Variants in RGS13 observed in about 807,000 individuals in gnomAD.
RGS13 encodes regulator of G-protein signalling 13.
RGS13 carries 14 observed loss-of-function variants against 19.9 expected under a neutral mutation model. The observed-to-expected ratio is 0.70, with a 90% confidence interval of 0.46 to 1.10. RGS13 has a LOEUF of 1.10. RGS13 is among the 50% of genes least tolerant of loss of function. The pLI, the probability that RGS13 is intolerant of heterozygous loss-of-function variation, is 0.00. For missense variants in RGS13, 205 were observed against 187.1 expected (o/e 1.10, Z -0.56); for synonymous variants, 60 against 56.8 (o/e 1.06, Z -0.25).
chr1:192,652,561 A>G (rs1663361435), intron 5 of RGS13, among the ~76,000 whole-genome samples: 1 of 152,044 alleles, frequency 6.6e-6, no homozygotes, highest in African/African-American at 2.4e-5. Context: ...AAAGGGGGAA[A>G]AAAACCTCGC....
chr1:192,636,885 A>C (rs1397476919), intron 1 of RGS13, among the ~76,000 whole-genome samples: 2 of 152,014 alleles, frequency 1.3e-5, no homozygotes, highest in African/African-American at 4.8e-5. Context: ...TGTGGTCAAC[A>C]AAAGCTCACT....
At chr1:192,658,054 G>A in intron 5 of RGS13, 147 bp from the exon 6 acceptor site, 1 of 609,346 alleles carries the variant, frequency 1.6e-6, no homozygotes, top group Admixed American at 3.0e-5. Context: ...TGATAGACAT[G>A]AAAATTGATA....
chr1:192,638,885 T>C (rs1663057851), intron 3 of RGS13, among the ~76,000 whole-genome samples: 1 of 152,174 alleles, frequency 6.6e-6, no homozygotes, highest in African/African-American at 2.4e-5. Flanking sequence ...CTTAGAATGC[T>C]AACCAACATA....
In RGS13 at chr1:192,658,325, G is replaced by A. The variant is rs1269850531; in HGVS notation, c.252G>A (p.Lys84=). The part of the protein sequence containing the change: ...ASRWSRISRA[K]KLYKIYIQPQ... The stretch of plus-strand genomic sequence containing the variant: ...GGTGGAGCAGAATTTCTAGGGCAAA[G>A]AAGCTTTATAAGATTTACATCCAGC... The change falls in exon 6 of 7, where the codon AAG becomes AAA. Residue 84 remains lysine, a synonymous_variant. Transcript: ENST00000391995. The A allele has an allele frequency of 6.2e-7, 1 of 1,613,410 alleles. No homozygotes were observed.
intron 5 of RGS13, among the ~76,000 whole-genome samples, chr1:192,654,692 T>C (rs1195883962): frequency 1.3e-5 from 2 of 151,950 alleles, no homozygotes; most frequent in Non-Finnish European, 2.9e-5. Flanking sequence ...AAAAAATAAT[T>C]CTGGAATAGA....
intron 3 of RGS13, among the ~76,000 whole-genome samples, chr1:192,639,479 C>A (rs1300060321): frequency 6.6e-6 from 1 of 151,832 alleles, no homozygotes; most frequent in Non-Finnish European, 1.5e-5. Context: ...AACATGGGAA[C>A]AACAAAAATG....
intron 3 of RGS13, among the ~76,000 whole-genome samples, 189 bp downstream of exon 3, chr1:192,638,392 T>G (rs1663049640): frequency 6.6e-6 from 1 of 152,130 alleles, no homozygotes; most frequent in African/African-American, 2.4e-5. Flanking sequence ...GTGGTCAATC[T>G]GACCTTTTGT....
At chr1:192,640,828 C>G (rs1307106966) in intron 3 of RGS13, among the ~76,000 whole-genome samples, 1 of 152,096 alleles carries the variant, frequency 6.6e-6, no homozygotes, top group African/African-American at 2.4e-5. Context: ...TTTCACTTCT[C>G]CAATGTCTTA....
intron 5 of RGS13, among the ~76,000 whole-genome samples, chr1:192,649,715 A>G (rs1663302160): frequency 6.6e-6 from 1 of 152,040 alleles, no homozygotes; most frequent in Admixed American, 6.6e-5. Context: ...TTGTACATCT[A>G]TGATTCTTCT....
intron 6 of RGS13, chr1:192,658,615 C>A: frequency 5.7e-6 from 2 of 352,564 alleles, no homozygotes; most frequent in East Asian, 4.3e-5. Flanking sequence ...AAGCTTCTCC[C>A]CATTAAATTA....
intron 3 of RGS13, among the ~76,000 whole-genome samples, chr1:192,641,794 G>T (rs1293906665): frequency 6.6e-6 from 1 of 151,944 alleles, no homozygotes; most frequent in Non-Finnish European, 1.5e-5. Flanking sequence ...TTTTTTGTTA[G>T]AGGGGGCTCC....
At chr1:192,641,399 G>A (rs916487910) in intron 3 of RGS13, among the ~76,000 whole-genome samples, 1 of 151,828 alleles carries the variant, frequency 6.6e-6, no homozygotes, top group South Asian at 2.1e-4. Flanking sequence ...GGAAAGCAGG[G>A]AGGAAGGAGG....
At chr1:192,658,708 A>C in intron 6 of RGS13, 1 of 205,464 alleles carries the variant, frequency 4.9e-6, no homozygotes, top group Non-Finnish European at 9.8e-6. Context: ...TATAAATATC[A>C]TGAAGAGACA....
intron 1 of RGS13, among the ~76,000 whole-genome samples, chr1:192,636,866 T>C (rs1004437159): frequency 1.3e-5 from 2 of 151,972 alleles, no homozygotes; most frequent in Non-Finnish European, 2.9e-5. Flanking sequence ...GGACAAGAAA[T>C]TTGTGTGCTG....
chr1:192,658,454 C>T, intron 6 of RGS13, 87 bp downstream of exon 6: 1 of 1,237,802 alleles, frequency 8.1e-7, no homozygotes, highest in Non-Finnish European at 1.1e-6. Flanking sequence ...GTGCCAGGCA[C>T]TTTACATCCA....
rs1322329208 is a variant in RGS13 at position 192,659,377 on chromosome 1, A to G, written c.334A>G (p.Asn112Asp). The change falls in exon 7 of 7, where the codon AAC becomes GAC. Residue 112 changes from asparagine (N) to aspartate (D), a missense_variant. Transcript: ENST00000391995. Reference protein sequence around the residue: ...DSSTRETIIRNIQEPTETCFE... With the variant: ...DSSTRETIIRDIQEPTETCFE... ...TTCGACAAGAGAGACTATCATCAGGAACATTCAGGAACCCACTGAAACATG... is the reference window on the plus strand; with the variant it reads ...TTCGACAAGAGAGACTATCATCAGGGACATTCAGGAACCCACTGAAACATG... 6.2e-7 allele frequency: 1 copy of G among 1,612,836 alleles called. No individual in the cohort carries two copies. The highest frequency in any genetic ancestry group is 8.5e-7 in the Non-Finnish European group (1 of 1,179,402).
intron 6 of RGS13, chr1:192,658,822 A>T (rs12118386): frequency 6.2e-6 from 1 of 162,098 alleles, no homozygotes; most frequent in Non-Finnish European, 1.3e-5. Context: ...GCAAGCCTAC[A>T]TTGTGGACAT....
intron 5 of RGS13, among the ~76,000 whole-genome samples, chr1:192,654,114 TTATA>T (rs1354057507): frequency 6.6e-6 from 1 of 151,604 alleles, no homozygotes; most frequent in Non-Finnish European, 1.5e-5. Flanking sequence ...AAAATATACA[TTATA>T]TATATATTTT....
intron 3 of RGS13, among the ~76,000 whole-genome samples, chr1:192,641,214 A>AAGAG (rs1663101589): frequency 2.4e-4 from 16 of 67,836 alleles, no homozygotes; most frequent in Admixed American, 7.5e-4. Flanking sequence ...GAAAGAAAGA[A>AAGAG]AGAAAGAGAG....
Sources: gnomAD v4.1 joint callset for allele counts (sites outside exome capture counted in the v4.1 genomes callset) on GRCh38, gnomAD v4.1.1 for gene constraint, MANE v1.5 for transcripts, NCBI Gene and HGNC (gene_info 2026-07-23, HGNC 2026-07-21) for gene names.